The following SLC22A2 variants were observed in gnomAD, a reference collection of about 807,000 sequenced individuals.
SLC22A2 encodes organic cation transporter 2.
In SLC22A2, 46 loss-of-function variants were observed where a neutral mutation model predicts 60.5. The ratio of observed to expected loss-of-function variants is 0.76; its 90% CI spans 0.60 to 0.97. SLC22A2 has a LOEUF of 0.97. Ranked by LOEUF, SLC22A2 falls within the 50% of genes least tolerant of loss-of-function variation. SLC22A2 has a pLI of 0.00. For missense variants in SLC22A2, 701 were observed against 706.6 expected, an observed-to-expected ratio of 0.99 and a Z score of 0.09; for synonymous variants, 303 against 267.0, an observed-to-expected ratio of 1.13 and a Z score of -1.31.
At chr6:160,232,155 G>C (rs1350412741) in intron 9 of SLC22A2, among the ~76,000 whole-genome samples, 1 of 151,738 alleles carries the variant, frequency 6.6e-6, no homozygotes, top group Non-Finnish European at 1.5e-5. Flanking sequence ...CATTGTTCCT[G>C]GCCTGGACTT....
chr6:160,234,348 C>T (rs914140604), intron 9 of SLC22A2, among the ~76,000 whole-genome samples: 2 of 152,176 alleles, frequency 1.3e-5, no homozygotes, highest in Non-Finnish European at 1.5e-5. Context: ...AAGAGGGACG[C>T]TTGAGAGCGG....
Position 160,217,349 on chromosome 6 carries a change from G to A in SLC22A2, c.*83C>T. ...GGGTAAGTTTGGTTGAGTTGTATGG[G>A]CTTTGTGATGAGTGCAGGGATTTCT... On this transcript the variant is annotated 3_prime_UTR_variant, in exon 11 of 11. Coordinates refer to ENST00000366953, the MANE Select transcript of SLC22A2 (RefSeq NM_003058.4). 3 of 833,774 alleles carry A rather than the reference G, an allele frequency of 3.6e-6. No individual in the cohort carries two copies. Among genetic ancestry groups the A allele is most frequent in the South Asian group, 3.3e-5 (2 of 60,492 alleles). The allele number at this position is 833,774 out of a possible 1,614,324, so 51.6% of individuals were successfully genotyped here.
chr6:160,242,687 C>A (rs959244605), intron 7 of SLC22A2, among the ~76,000 whole-genome samples: 5 of 152,068 alleles, frequency 3.3e-5, no homozygotes, highest in Non-Finnish European at 7.4e-5. Flanking sequence ...TCCCACATAA[C>A]CTCTGCCCCC....
rs780461958 is a variant in SLC22A2, at chr6:160,217,520, G to A, written c.1602-22C>T. ...TGGTCTGCAATAAGAAATAAAAATG[G>A]AGAGGGGAGAAAGAAATTATGAGGA... On this transcript the variant is annotated intron_variant, in intron 10 of 10. Coordinates refer to ENST00000366953, the MANE Select transcript of SLC22A2 (RefSeq NM_003058.4). 8.8e-6 allele frequency: 12 copies of A among 1,363,762 alleles called. No individual in the cohort carries two copies. The Middle Eastern group carries it at 5.5e-4, about 62-fold the overall frequency. The allele number at this position is 1,363,762 out of a possible 1,614,324, so 84.5% of individuals were successfully genotyped here.
chr6:160,246,693 G>C (rs557358894), intron 5 of SLC22A2, among the ~76,000 whole-genome samples: 1 of 152,282 alleles, frequency 6.6e-6, no homozygotes, highest in South Asian at 2.1e-4. Context: ...ATTGCAGTGA[G>C]CCGAGATTGT....
chr6:160,228,803 C>T (rs1197817892), intron 9 of SLC22A2, among the ~76,000 whole-genome samples: 1 of 151,888 alleles, frequency 6.6e-6, no homozygotes, highest in East Asian at 1.9e-4. Context: ...AATTCCTTCT[C>T]CTGGCTCGTC....
intron 9 of SLC22A2, among the ~76,000 whole-genome samples, chr6:160,233,191 T>C (rs1782853013): frequency 6.6e-6 from 1 of 151,942 alleles, no homozygotes; most frequent in Admixed American, 6.5e-5. Flanking sequence ...CTAAAATACC[T>C]CTTGGTCTGG....
chr6:160,236,007 G>C (rs1782904743), intron 9 of SLC22A2, among the ~76,000 whole-genome samples: 1 of 152,104 alleles, frequency 6.6e-6, no homozygotes, highest in African/African-American at 2.4e-5. Flanking sequence ...AATTATAATT[G>C]CTATGTTAAA....
intron 9 of SLC22A2, among the ~76,000 whole-genome samples, chr6:160,229,961 C>T (rs1421934836): frequency 6.6e-6 from 1 of 151,782 alleles, no homozygotes; most frequent in African/African-American, 2.4e-5. Context: ...CCCTGATATC[C>T]AGGCATTCTT....
In SLC22A2 at chr6:160,217,231, C is replaced by T. The variant is rs8177523; in HGVS notation, c.*201G>A. On this transcript the variant is annotated 3_prime_UTR_variant, in exon 11 of 11. Coordinates refer to ENST00000366953, the MANE Select transcript of SLC22A2 (RefSeq NM_003058.4). Reference sequence around the variant, plus strand: ...CTAGGAATGCTGAGAATAAAGTGAGCTGGAAGAATTTGGCAGGATCTGGTC... The same window carrying T: ...CTAGGAATGCTGAGAATAAAGTGAGTTGGAAGAATTTGGCAGGATCTGGTC... The T allele has an allele frequency of 6.1e-4, 243 of 401,000 alleles. No individual in the cohort carries two copies. Among genetic ancestry groups the T allele is most frequent in the African/African-American group, 4.6e-3 (222 of 48,674 alleles). The allele number at this position is 401,000 out of a possible 1,614,324, so 24.8% of individuals were successfully genotyped here.
intron 6 of SLC22A2, 113 bp downstream of exon 6, chr6:160,245,326 G>C: frequency 1.7e-6 from 1 of 572,582 alleles, no homozygotes; most frequent in Non-Finnish European, 3.0e-6. Flanking sequence ...CCACATTGCT[G>C]CCCACCGTCA....
At chr6:160,231,132 G>A (rs1303838887) in intron 9 of SLC22A2, among the ~76,000 whole-genome samples, 1 of 151,820 alleles carries the variant, frequency 6.6e-6, no homozygotes, top group East Asian at 1.9e-4. Context: ...CTCCATAACT[G>A]TTGTGGGTAT....
intron 9 of SLC22A2, among the ~76,000 whole-genome samples, chr6:160,232,463 A>G (rs1562432737): frequency 6.6e-6 from 1 of 151,910 alleles, no homozygotes; most frequent in African/African-American, 2.4e-5. Flanking sequence ...CAAAGGGACT[A>G]CAAATCAATA....
intron 7 of SLC22A2, among the ~76,000 whole-genome samples, chr6:160,243,334 T>C (rs1249553878): frequency 2.0e-4 from 30 of 151,948 alleles, no homozygotes; most frequent in Non-Finnish European, 4.4e-5. Flanking sequence ...TGATGGCCTG[T>C]AGCATGGGGC....
rs778643819 is a variant in SLC22A2 at position 160,243,785 on chromosome 6, A to G, written c.1066T>C (p.Phe356Leu). ...KHTMILMYNWFTSSVLYQGLI... is the reference protein window; with the variant it reads ...KHTMILMYNWLTSSVLYQGLI... Reference sequence around the variant, plus strand: ...CCCTGGTAGAGCACAGAGCTCGTGAACCTGAGCAAAGAGGAGAGTTCAGGT... The same window carrying G: ...CCCTGGTAGAGCACAGAGCTCGTGAGCCTGAGCAAAGAGGAGAGTTCAGGT... Residue 356 changes from phenylalanine (F) to leucine (L), a missense_variant and splice_region_variant, in exon 7 of 11, where the codon TTC (phenylalanine) becomes CTC (leucine). Physicochemically the swap from Phe to Leu is conservative, Grantham distance 22. Coordinates refer to ENST00000366953, the MANE Select transcript of SLC22A2 (RefSeq NM_003058.4). 1 of 1,611,976 alleles carries G rather than the reference A, an allele frequency of 6.2e-7. No individual in the cohort carries two copies. The highest frequency in any genetic ancestry group is 1.1e-5 in the South Asian group (1 of 90,980).
intron 2 of SLC22A2, among the ~76,000 whole-genome samples, chr6:160,254,129 T>G (rs1684696243): frequency 6.6e-6 from 1 of 151,932 alleles, no homozygotes; most frequent in Admixed American, 6.6e-5. Context: ...AATACAAAAA[T>G]TAGCTGGGCA....
At chr6:160,246,169 T>C (rs957278124) in intron 5 of SLC22A2, among the ~76,000 whole-genome samples, 2 of 151,964 alleles carry the variant, frequency 1.3e-5, no homozygotes, top group South Asian at 4.2e-4. Flanking sequence ...CCCGACCAAT[T>C]TTTGTATTTT....
intron 9 of SLC22A2, among the ~76,000 whole-genome samples, chr6:160,233,260 T>C (rs900250445): frequency 2.0e-5 from 3 of 150,430 alleles, no homozygotes; most frequent in Non-Finnish European, 3.0e-5. Flanking sequence ...AAGGCCACCA[T>C]GGTCATTTCT....
At chr6:160,246,800 A>C (rs1485647218) in intron 5 of SLC22A2, among the ~76,000 whole-genome samples, 2 of 152,164 alleles carry the variant, frequency 1.3e-5, no homozygotes, top group Non-Finnish European at 2.9e-5. Context: ...AATTCTAAGA[A>C]ATCATGTGTG....
Sources: gnomAD v4.1 joint callset for allele counts (sites outside exome capture counted in the v4.1 genomes callset) on GRCh38, gnomAD v4.1.1 for gene constraint, MANE v1.5 for transcripts, NCBI Gene and HGNC (gene_info 2026-07-23, HGNC 2026-07-21) for gene names.